The following OSTF1 variants were observed in gnomAD, a reference collection of about 807,000 sequenced individuals.
OSTF1 encodes osteoclast-stimulating factor 1.
In OSTF1, 27 loss-of-function variants were observed where a neutral mutation model predicts 37.2. That is an observed-to-expected ratio of 0.73 (90% CI 0.54 to 1.00). OSTF1 has a LOEUF of 1.00. Ranked by LOEUF, OSTF1 falls within the 50% of genes least tolerant of loss-of-function variation. The pLI is 0.00. For synonymous variants in OSTF1, 82 were observed against 89.2 expected, an observed-to-expected ratio of 0.92 and a Z score of 0.46; for missense variants, 232 against 253.8, an observed-to-expected ratio of 0.91 and a Z score of 0.58.
At chr9:75,110,168 T>C (rs1285987700) in intron 1 of OSTF1, among the ~76,000 whole-genome samples, 1 of 152,230 alleles carries the variant, frequency 6.6e-6, no homozygotes, top group African/African-American at 2.4e-5. Context: ...AAATGCGTAA[T>C]GGCAGTGATA....
rs1424017040 is a variant in OSTF1, at chr9:75,109,835, C to T, written c.35-7669C>T. The stretch of plus-strand genomic sequence containing the variant: ...GTGGCTGTACTAATTTATGCTCCCA[C>T]TAGCAGTATCTGGGAATTCTATTTG... On this transcript the variant is annotated intron_variant, in intron 1 of 9. Transcript: ENST00000346234. 3.9e-5 allele frequency among the ~76,000 whole-genome samples: 6 copies of T among 152,356 alleles called. No individual in the cohort carries two copies. In the East Asian group the frequency reaches 1.2e-3, roughly 29 times the overall value.
intron 9 of OSTF1, among the ~76,000 whole-genome samples, chr9:75,145,842 G>A (rs1472927476): frequency 1.3e-5 from 2 of 152,140 alleles, no homozygotes. Flanking sequence ...ACGTGATGCT[G>A]TCTTTGTTAG....
At chr9:75,131,635 C>A (rs1825761938) in intron 4 of OSTF1, 135 bp from the exon 5 acceptor site, 2 of 642,838 alleles carry the variant, frequency 3.1e-6, no homozygotes, top group South Asian at 1.9e-5. Context: ...TACTTTTTAT[C>A]CACATTAAGT....
At chr9:75,140,721 C>T in intron 8 of OSTF1, 113 bp from the exon 9 acceptor site, 1 of 650,048 alleles carries the variant, frequency 1.5e-6, no homozygotes, top group South Asian at 1.9e-5. Flanking sequence ...ACTTCTGAGC[C>T]AGAGTTGTTC....
intron 1 of OSTF1, among the ~76,000 whole-genome samples, chr9:75,111,999 A>G (rs921564663): frequency 4.7e-5 from 7 of 150,294 alleles, no homozygotes; most frequent in African/African-American, 7.3e-5. Context: ...AATTTTTTGT[A>G]TCTTTAGTAG....
At chr9:75,115,452 C>T (rs1030786256) in intron 1 of OSTF1, among the ~76,000 whole-genome samples, 5 of 152,076 alleles carry the variant, frequency 3.3e-5, no homozygotes, top group South Asian at 2.1e-4. Flanking sequence ...CCATCATGCC[C>T]GGCAAATTTT....
intron 8 of OSTF1, among the ~76,000 whole-genome samples, chr9:75,138,050 C>T (rs1015321396): frequency 4.6e-5 from 7 of 152,122 alleles, no homozygotes; most frequent in Non-Finnish European, 1.0e-4. Context: ...TTGAGCTGAG[C>T]AGGTGCTAGA....
chr9:75,111,811 C>CTTTTTTTGTTTTT (rs1825393147), intron 1 of OSTF1, among the ~76,000 whole-genome samples: 1 of 52,114 alleles, frequency 1.9e-5, no homozygotes, highest in Non-Finnish European at 3.3e-5. Flanking sequence ...ATGTTTACTG[C>CTTTTTTTGTTTTT]TTTTTTTTTT....
In OSTF1 at chr9:75,146,688, G is replaced by A; in HGVS notation, c.592G>A (p.Val198Ile). The stretch of plus-strand genomic sequence containing the variant: ...TTCCCTCCTCTTTCTTTCAGATGCA[G>A]TTCGAACATTAAGCAATGCCGAGGA... The part of the protein sequence containing the change: ...LLKKKQGTDA[V>I]RTLSNAEDYL... Residue 198 changes from valine to isoleucine, a missense_variant, in exon 10 of 10, where the codon GTT becomes ATT. Transcript: ENST00000346234. 1 of 1,608,454 alleles carries A rather than the reference G, an allele frequency of 6.2e-7. No homozygotes were observed. The highest frequency in any genetic ancestry group is 8.5e-7 in the Non-Finnish European group (1 of 1,176,626).
intron 7 of OSTF1, among the ~76,000 whole-genome samples, chr9:75,136,761 T>G (rs1825850108): frequency 6.6e-6 from 1 of 152,102 alleles, no homozygotes; most frequent in Non-Finnish European, 1.5e-5. Flanking sequence ...CGGTTGGGCT[T>G]CTCCATAGGG....
intron 1 of OSTF1, among the ~76,000 whole-genome samples, chr9:75,095,545 G>A (rs561842876): frequency 6.6e-6 from 1 of 152,238 alleles, no homozygotes; most frequent in East Asian, 1.9e-4. Flanking sequence ...TTTGATTCAG[G>A]CAGAAATGAA....
chr9:75,096,837 A>AT (rs2118392520), intron 1 of OSTF1, among the ~76,000 whole-genome samples: 1 of 152,298 alleles, frequency 6.6e-6, no homozygotes, highest in Non-Finnish European at 1.5e-5. Context: ...GTTGGCAGGT[A>AT]TCTCAGACTC....
intron 2 of OSTF1, 54 bp downstream of exon 2, chr9:75,117,604 T>C: frequency 7.9e-7 from 1 of 1,263,332 alleles, no homozygotes; most frequent in Non-Finnish European, 1.2e-6. Flanking sequence ...AAGATGATTT[T>C]ATTTAGACAT....
At chr9:75,112,703 A>G (rs994702007) in intron 1 of OSTF1, among the ~76,000 whole-genome samples, 25 of 152,348 alleles carry the variant, frequency 1.6e-4, no homozygotes, top group African/African-American at 6.0e-4. Context: ...AGTCACATCC[A>G]CATATTTGTT....
At chr9:75,132,972 T>C (rs923257771) in intron 5 of OSTF1, among the ~76,000 whole-genome samples, 54 of 60,320 alleles carry the variant, frequency 9.0e-4, no homozygotes, top group Admixed American at 1.7e-3. Context: ...TACACACACA[T>C]ACACACACAC....
Position 75,092,249 on chromosome 9 carries a change from G to C in OSTF1, c.34+3523G>C, listed in dbSNP as rs192511944. Among the ~76,000 whole-genome samples the C allele has an allele frequency of 4.3e-3, 658 of 152,312 alleles. 4 individuals are homozygous for C. Among genetic ancestry groups the C allele is most frequent in the African/African-American group, 0.015 (629 of 41,572 alleles). ...GAAGGAGGCTGCCCAGGGAAGTCCC[G>C]GGCAGATGCTAGTGGGAGACCCTGG... On this transcript the variant is annotated intron_variant, in intron 1 of 9. Transcript: ENST00000346234.
chr9:75,117,766 C>T (rs571555382), intron 2 of OSTF1, among the ~76,000 whole-genome samples: 1 of 152,300 alleles, frequency 6.6e-6, no homozygotes, highest in South Asian at 2.1e-4. Context: ...AAGCTTCTCC[C>T]TACATGGTGA....
intron 7 of OSTF1, among the ~76,000 whole-genome samples, chr9:75,136,526 G>A (rs956338789): frequency 5.3e-5 from 8 of 152,100 alleles, no homozygotes; most frequent in Non-Finnish European, 1.2e-4. Context: ...CCAAGTAGCT[G>A]GGACTACAGG....
In OSTF1 at chr9:75,127,659, CTG is replaced by C. The variant is rs745588632; in HGVS notation, c.132+42_132+43del. ...CATCTTGTAATACCACATATAAAGA[CTG>C]TTTTATGTAGCTATAACATTGTAAG... On this transcript the variant is annotated intron_variant, in intron 3 of 9. Coordinates refer to ENST00000346234, the MANE Select transcript of OSTF1 (RefSeq NM_012383.5). 20 of 1,052,986 alleles carry C rather than the reference CTG, an allele frequency of 1.9e-5. No homozygotes were observed. The African/African-American group carries it at 3.1e-4, about 16-fold the overall frequency. 65.2% of individuals were successfully genotyped at this position (1,052,986 alleles called of 1,614,324 possible). A position where few individuals can be genotyped will look rare whatever the true frequency, so the allele number is the denominator to read the frequency against.
Sources: allele counts gnomAD v4.1 joint callset (sites outside exome capture counted in the v4.1 genomes callset), GRCh38; gene constraint gnomAD v4.1.1; transcripts MANE v1.5; gene names NCBI Gene and HGNC (gene_info 2026-07-23, HGNC 2026-07-21).